The following POFUT4 variants were observed in gnomAD, a reference collection of about 807,000 sequenced individuals.
POFUT4 encodes the protein GDP-fucose protein O-fucosyltransferase 4.
At chr10:73,778,964 C>T in the POFUT4 span, 2 of 151,464 alleles carry the variant, frequency 1.3e-5, no homozygotes, top group South Asian at 4.2e-4. Flanking sequence ...CATGGTAAAA[C>T]CCCATCTCTA....
the POFUT4 span, among the ~76,000 whole-genome samples, chr10:73,778,025 A>T: frequency 6.7e-6 from 1 of 149,992 alleles, no homozygotes; most frequent in African/African-American, 2.5e-5. Context: ...TGCCTGGCTA[A>T]TTTTTTTGTA....
At chr10:73,773,635 A>C in the POFUT4 span, 4 of 1,614,160 alleles carry the variant, frequency 2.5e-6, no homozygotes, top group Non-Finnish European at 3.4e-6. Context: ...AACTACCTCA[A>C]CGGCTTCGAG....
At chr10:73,773,050 G>C in the POFUT4 span, 8 of 1,561,962 alleles carry the variant, frequency 5.1e-6, no homozygotes, top group Non-Finnish European at 6.9e-6. Flanking sequence ...CGGTGAGTGA[G>C]GGCGGGCCGG....
chr10:73,779,557 C>A, the POFUT4 span: 1 of 115,264 alleles, frequency 8.7e-6, no homozygotes. Flanking sequence ...GAGCAAAACT[C>A]CATTTCAAAA....
chr10:73,773,081 C>T, the POFUT4 span: 4 of 1,535,396 alleles, frequency 2.6e-6, no homozygotes, highest in South Asian at 2.5e-5. Flanking sequence ...AAGGAGAGGG[C>T]GGGTTGAGGC....
At chr10:73,778,101 T>C in the POFUT4 span, among the ~76,000 whole-genome samples, 6 of 148,934 alleles carry the variant, frequency 4.0e-5, no homozygotes, top group East Asian at 1.2e-3. Flanking sequence ...TGACCTCAAG[T>C]GACCCACCCG....
chr10:73,776,683 A>T, the POFUT4 span, among the ~76,000 whole-genome samples: 1 of 152,160 alleles, frequency 6.6e-6, no homozygotes, highest in African/African-American at 2.4e-5. Flanking sequence ...CACCGTCTCA[A>T]ATTATATATA....
At chr10:73,773,663 C>T in the POFUT4 span, 3 of 1,614,150 alleles carry the variant, frequency 1.9e-6, no homozygotes, top group Admixed American at 1.7e-5. Context: ...TCTGTGACTA[C>T]GAACTGGCTC....
chr10:73,775,529 T>C, the POFUT4 span: 2 of 1,614,246 alleles, frequency 1.2e-6, no homozygotes, highest in South Asian at 2.2e-5. Flanking sequence ...AACCCCCATT[T>C]TGATATTTCA....
chr10:73,774,328 C>T, the POFUT4 span: 1 of 152,304 alleles, frequency 6.6e-6, no homozygotes, highest in African/African-American at 2.4e-5. Context: ...AGCGGCTGTG[C>T]TGAGGATGAG....
chr10:73,773,840 G>A, the POFUT4 span: 3 of 1,525,864 alleles, frequency 2.0e-6, no homozygotes, highest in African/African-American at 1.4e-5. Context: ...GTCCCCTGCA[G>A]CTATCAAATC....
the POFUT4 span, chr10:73,773,092 C>T: frequency 3.4e-5 from 4 of 116,830 alleles, no homozygotes; most frequent in Non-Finnish European, 7.3e-5. Context: ...GGGTTGAGGC[C>T]AGGACTCCAG....
chr10:73,775,955 C>T, the POFUT4 span: 3,300 of 447,330 alleles, frequency 7.4e-3, 15 homozygotes, highest in Admixed American at 0.011. Flanking sequence ...GGTGCTGGTC[C>T]AACAGAGTTT....
the POFUT4 span, chr10:73,772,317 C>G: frequency 7.0e-7 from 1 of 1,424,948 alleles, no homozygotes. Flanking sequence ...GAGGGGGCGC[C>G]GGCTGCCGGA....
At chr10:73,772,735 G>A in the POFUT4 span, 3 of 1,596,656 alleles carry the variant, frequency 1.9e-6, no homozygotes, top group Non-Finnish European at 1.7e-6. Context: ...CCGCCCCGCT[G>A]CCGCGCCTGG....
chr10:73,772,429 C>T, the POFUT4 span: 3 of 1,568,808 alleles, frequency 1.9e-6, no homozygotes, highest in African/African-American at 2.8e-5. Context: ...AGAGGGAGGC[C>T]GGCGGGGAGG....
chr10:73,775,452 C>T, the POFUT4 span: 5 of 1,613,580 alleles, frequency 3.1e-6, no homozygotes, highest in East Asian at 1.1e-4. Context: ...ACTGTATCTG[C>T]TTAAGATTTC....
chr10:73,778,794 A>G, the POFUT4 span: 1 of 152,204 alleles, frequency 6.6e-6, no homozygotes. Flanking sequence ...CATAAATTAC[A>G]GAAAGTTTGC....
the POFUT4 span, among the ~76,000 whole-genome samples, chr10:73,777,863 C>CTT: frequency 3.9e-3 from 534 of 136,794 alleles, 5 homozygotes; most frequent in South Asian, 0.014. Flanking sequence ...GTGCCCCCAC[C>CTT]TTTTTTTTTT....
Sources: gnomAD v4.1 joint callset for allele counts (sites outside exome capture counted in the v4.1 genomes callset) on GRCh38, gnomAD v4.1.1 for gene constraint, MANE v1.5 for transcripts, NCBI Gene and HGNC (gene_info 2026-07-23, HGNC 2026-07-21) for gene names.